The following PLCG2 variants were observed in gnomAD, a reference collection of about 807,000 sequenced individuals.
The protein encoded by PLCG2 is 1-phosphatidylinositol 4,5-bisphosphate phosphodiesterase gamma-2.
Under a neutral mutation model 175.6 loss-of-function variants are expected in PLCG2, and 69 were observed. That is an observed-to-expected ratio of 0.39 (90% CI 0.32 to 0.48). The LOEUF (loss-of-function observed/expected upper bound fraction) is 0.48, where lower values mean the gene tolerates loss of function less well. Ranked by LOEUF, PLCG2 falls within the 20% of genes least tolerant of loss-of-function variation. PLCG2 has a pLI of 0.91. For synonymous variants in PLCG2, 827 were observed against 624.0 expected, an observed-to-expected ratio of 1.33 and a Z score of -4.85; for missense variants, 1,798 against 1,650.9, an observed-to-expected ratio of 1.09 and a Z score of -1.54.
intron 30 of PLCG2, among the ~76,000 whole-genome samples, chr16:81,940,642 C>A (rs1014597106): frequency 4.6e-5 from 7 of 152,180 alleles, no homozygotes; most frequent in African/African-American, 1.7e-4. Flanking sequence ...TGCAACCAAG[C>A]CAAGCTGGGT....
chr16:81,871,452 C>T lies in PLCG2; in HGVS notation c.648+517C>T, dbSNP rs527798768. Among the ~76,000 whole-genome samples the T allele has an allele frequency of 1.6e-3, 242 of 152,240 alleles. 3 individuals are homozygous for T. Among genetic ancestry groups the T allele is most frequent in the African/African-American group, 5.6e-3 (234 of 41,518 alleles). On this transcript the variant is annotated intron_variant, in intron 7 of 32. Transcript: ENST00000564138. ...CTCCCGGGTTCAAGCGATTCTTGTGCCTTAGCCTCCCCAGTAGCTGGGATT... is the reference window on the plus strand; with the variant it reads ...CTCCCGGGTTCAAGCGATTCTTGTGTCTTAGCCTCCCCAGTAGCTGGGATT...
intron 2 of PLCG2, among the ~76,000 whole-genome samples, chr16:81,839,735 C>A (rs1905720655): frequency 6.6e-6 from 1 of 152,054 alleles, no homozygotes; most frequent in African/African-American, 2.4e-5. Context: ...TGAAAAACAC[C>A]AAGTTTAAAT....
At chr16:81,896,137 C>T (rs547478513) in intron 13 of PLCG2, among the ~76,000 whole-genome samples, 11 of 152,120 alleles carry the variant, frequency 7.2e-5, no homozygotes, top group Non-Finnish European at 1.5e-4. Flanking sequence ...CTCCCGGGCT[C>T]TAGAGCCCCG....
intron 2 of PLCG2, among the ~76,000 whole-genome samples, chr16:81,806,987 C>T (rs1047365010): frequency 6.6e-6 from 1 of 152,070 alleles, no homozygotes; most frequent in African/African-American, 2.4e-5. Flanking sequence ...GGAGAGTTTG[C>T]AGTGGATGAC....
At chr16:81,745,197 G>A (rs1006234656) in intron 1 of PLCG2, among the ~76,000 whole-genome samples, 4 of 152,196 alleles carry the variant, frequency 2.6e-5, no homozygotes, top group African/African-American at 9.6e-5. Flanking sequence ...AATCTTAATC[G>A]GTCTAAGCCA....
intron 5 of PLCG2, 104 bp downstream of exon 5, chr16:81,859,267 C>T: frequency 2.7e-6 from 2 of 745,922 alleles, no homozygotes; most frequent in Admixed American, 4.0e-5. Flanking sequence ...GAGCAAGGTC[C>T]TCACTGCGTC....
intron 12 of PLCG2, among the ~76,000 whole-genome samples, chr16:81,894,064 G>C (rs1908767713): frequency 6.7e-6 from 1 of 148,540 alleles, no homozygotes; most frequent in South Asian, 2.1e-4. Context: ...GCTGTGTTTT[G>C]GCAGCTGGGT....
chr16:81,778,905 C>G (rs1440578716), upstream of PLCG2, among the ~76,000 whole-genome samples: 1 of 152,242 alleles, frequency 6.6e-6, no homozygotes, highest in Non-Finnish European at 1.5e-5. Context: ...AGACGATCCT[C>G]CCGTCTAGGC....
intron 2 of PLCG2, among the ~76,000 whole-genome samples, chr16:81,769,675 C>A (rs902548882): frequency 6.6e-6 from 1 of 151,780 alleles, no homozygotes; most frequent in Admixed American, 6.6e-5. Flanking sequence ...AAAAAATTAG[C>A]CGGGCGTAGT....
At chr16:81,758,549 C>T (rs935775048) in intron 2 of PLCG2, among the ~76,000 whole-genome samples, 4 of 152,126 alleles carry the variant, frequency 2.6e-5, no homozygotes, top group African/African-American at 7.2e-5. Context: ...AGTAGCTCTG[C>T]GTTTGACCTT....
intron 5 of PLCG2, among the ~76,000 whole-genome samples, chr16:81,863,008 C>A (rs1260114990): frequency 6.6e-6 from 1 of 152,120 alleles, no homozygotes; most frequent in African/African-American, 2.4e-5. Flanking sequence ...AAATTAAAAA[C>A]AAATGTTAAA....
chr16:81,917,820 C>G (rs896993711), intron 19 of PLCG2, among the ~76,000 whole-genome samples: 4 of 152,196 alleles, frequency 2.6e-5, no homozygotes, highest in African/African-American at 7.2e-5. Context: ...CTCCTGGGTT[C>G]ACGCCATTCT....
intron 2 of PLCG2, among the ~76,000 whole-genome samples, chr16:81,829,433 G>C (rs932091238): frequency 6.6e-6 from 1 of 152,180 alleles, no homozygotes; most frequent in African/African-American, 2.4e-5. Flanking sequence ...GACCAGGCTA[G>C]TCTCGAACTC....
At chr16:81,848,430 A>G (rs544816170) in intron 2 of PLCG2, among the ~76,000 whole-genome samples, 1 of 152,274 alleles carries the variant, frequency 6.6e-6, no homozygotes, top group South Asian at 2.1e-4. Flanking sequence ...TGCTTGTATC[A>G]TTAGAATGGC....
At chr16:81,811,016 C>G in intron 2 of PLCG2, among the ~76,000 whole-genome samples, 1 of 152,178 alleles carries the variant, frequency 6.6e-6, no homozygotes, top group East Asian at 1.9e-4. Context: ...GCCCTAGTGG[C>G]TGTGCTTTGT....
chr16:81,952,917 G>C (rs766794553), intron 31 of PLCG2, among the ~76,000 whole-genome samples: 1 of 152,142 alleles, frequency 6.6e-6, no homozygotes. Context: ...GCTTTACAGC[G>C]GATAGACCCT....
intron 10 of PLCG2, among the ~76,000 whole-genome samples, chr16:81,890,591 A>G (rs562384120): frequency 1.3e-5 from 2 of 152,302 alleles, no homozygotes; most frequent in Non-Finnish European, 2.9e-5. Context: ...AAGCACAGAA[A>G]CAGAATGCGA....
chr16:81,787,794 T>A (rs2143183689), intron 2 of PLCG2, among the ~76,000 whole-genome samples: 1 of 152,290 alleles, frequency 6.6e-6, no homozygotes, highest in South Asian at 2.1e-4. Context: ...TAAACCTCTC[T>A]ATTCTGGACA....
chr16:81,805,697 G>A (rs1052018978), intron 2 of PLCG2, among the ~76,000 whole-genome samples: 2 of 150,060 alleles, frequency 1.3e-5, no homozygotes, highest in African/African-American at 4.9e-5. Flanking sequence ...GGCTGCTTCT[G>A]GACCACTGCT....
Sources: gnomAD v4.1 joint callset for allele counts (sites outside exome capture counted in the v4.1 genomes callset) on GRCh38, gnomAD v4.1.1 for gene constraint, MANE v1.5 for transcripts, NCBI Gene and HGNC (gene_info 2026-07-23, HGNC 2026-07-21) for gene names.